The following ANKRD28 variants were observed in gnomAD, a reference collection of about 807,000 sequenced individuals.
The protein encoded by ANKRD28 is serine/threonine-protein phosphatase 6 regulatory ankyrin repeat subunit A.
Under a neutral mutation model 126.5 loss-of-function variants are expected in ANKRD28, and 44 were observed. The observed-to-expected ratio is 0.35, with a 90% CI of 0.27 to 0.45. The LOEUF is 0.45. ANKRD28 is among the 20% of genes least tolerant of loss of function. The pLI is 1.00. For missense variants in ANKRD28, 1,110 were observed against 1,316.6 expected (o/e 0.84, Z 2.43); for synonymous variants, 442 against 468.5 (o/e 0.94, Z 0.73).
chr3:15,743,185 G>T (rs529506943), intron 4 of ANKRD28, among the ~76,000 whole-genome samples: 3 of 152,010 alleles, frequency 2.0e-5, no homozygotes, highest in African/African-American at 7.3e-5. Flanking sequence ...CAGCATGCTC[G>T]TTAAGAGTCA....
chr3:15,810,506 A>G (rs1433931710), intron 1 of ANKRD28, among the ~76,000 whole-genome samples: 1 of 151,672 alleles, frequency 6.6e-6, no homozygotes. Context: ...ACTATATCTA[A>G]TATTTAAAAA....
At chr3:15,690,269 C>A in intron 17 of ANKRD28, 49 bp from the exon 18 acceptor site, 1 of 1,410,522 alleles carries the variant, frequency 7.1e-7, no homozygotes, top group Admixed American at 2.3e-5. Flanking sequence ...TTTAGACTGA[C>A]TTCCTAAATA....
intron 18 of ANKRD28, among the ~76,000 whole-genome samples, chr3:15,688,877 A>G (rs2068458425): frequency 6.6e-6 from 1 of 152,222 alleles, no homozygotes; most frequent in African/African-American, 2.4e-5. Context: ...TGTCTGCATA[A>G]ATGTTTAATG....
intron 14 of ANKRD28, among the ~76,000 whole-genome samples, chr3:15,705,631 TTTTA>T (rs2071247259): frequency 6.6e-6 from 1 of 152,236 alleles, no homozygotes; most frequent in Non-Finnish European, 1.5e-5. Context: ...TTATCACAGA[TTTTA>T]TTTAAATAGT....
At chr3:15,771,428 C>A (rs995857777) in intron 2 of ANKRD28, among the ~76,000 whole-genome samples, 6 of 133,890 alleles carry the variant, frequency 4.5e-5, no homozygotes, top group African/African-American at 1.6e-4. Context: ...AAAAAAAAGG[C>A]ATGGCACCAG....
chr3:15,736,137 C>T (rs1559434841), intron 5 of ANKRD28, among the ~76,000 whole-genome samples: 1 of 152,204 alleles, frequency 6.6e-6, no homozygotes, highest in Non-Finnish European at 1.5e-5. Context: ...CAATTACCTG[C>T]TGTCAACCAT....
chr3:15,859,344 C>G (rs1439071603), intron 1 of ANKRD28: 9 of 1,521,904 alleles, frequency 5.9e-6, no homozygotes, highest in Non-Finnish European at 7.9e-6. Context: ...CCTTCCCGGA[C>G]GGCGCGATCC....
chr3:15,856,921 T>G (rs190418005), intron 1 of ANKRD28, among the ~76,000 whole-genome samples: 1 of 152,242 alleles, frequency 6.6e-6, no homozygotes, highest in African/African-American at 2.4e-5. Flanking sequence ...CTACTTCCTA[T>G]GTCAAGTGTA....
intron 14 of ANKRD28, among the ~76,000 whole-genome samples, chr3:15,701,709 TA>T (rs2070660849): frequency 6.6e-6 from 1 of 152,050 alleles, no homozygotes; most frequent in Non-Finnish European, 1.5e-5. Context: ...GATAAAGAAA[TA>T]AAATAAAACC....
chr3:15,772,426 C>G (rs1418764774), intron 2 of ANKRD28, among the ~76,000 whole-genome samples: 1 of 151,812 alleles, frequency 6.6e-6, no homozygotes, highest in Non-Finnish European at 1.5e-5. Flanking sequence ...TTACAAAAAA[C>G]AAAAAAACCC....
Position 15,678,216 on chromosome 3 carries a change from ATTTG to A in ANKRD28, c.2696_2699del (p.Thr899IlefsTer14). On this transcript the variant is annotated frameshift_variant, in exon 24 of 28. Transcript: ENST00000683139. LOFTEE classifies it high-confidence loss of function. ...TTAAAGAAGTTTCTTTACCAACTGT[ATTTG>A]TTTGTCCATTTTCTGCAGCCATCAT... 6.2e-7 allele frequency: 1 copy of A among 1,609,730 alleles called. No homozygotes were observed. Among genetic ancestry groups the A allele is most frequent in the Non-Finnish European group, 8.5e-7 (1 of 1,179,030 alleles).
chr3:15,711,073 A>C, intron 12 of ANKRD28, 138 bp downstream of exon 12: 1 of 654,550 alleles, frequency 1.5e-6, no homozygotes, highest in Non-Finnish European at 2.5e-6. Flanking sequence ...GCCACCCTGG[A>C]CTTTTTTTTC....
At chr3:15,683,200 T>A (rs901977092) in intron 21 of ANKRD28, among the ~76,000 whole-genome samples, 5 of 152,096 alleles carry the variant, frequency 3.3e-5, no homozygotes, top group Non-Finnish European at 7.4e-5. Context: ...TATATTTTTT[T>A]AAAAACCAAG....
chr3:15,714,212 T>C (rs1016784186), intron 9 of ANKRD28, among the ~76,000 whole-genome samples: 2 of 152,106 alleles, frequency 1.3e-5, no homozygotes, highest in Non-Finnish European at 2.9e-5. Context: ...TGAAAATAGT[T>C]GCAGATACTC....
intron 4 of ANKRD28, among the ~76,000 whole-genome samples, chr3:15,748,031 C>T (rs149125690): frequency 3.1e-3 from 469 of 152,222 alleles, no homozygotes; most frequent in Middle Eastern, 0.02. Flanking sequence ...CATTTGGTGT[C>T]CATTTGCATG....
At chr3:15,737,800 T>A (rs1049994068) in intron 4 of ANKRD28, among the ~76,000 whole-genome samples, 1 of 151,914 alleles carries the variant, frequency 6.6e-6, no homozygotes, top group African/African-American at 2.4e-5. Context: ...AGCAATAGAT[T>A]TTTTACACTG....
intron 3 of ANKRD28, among the ~76,000 whole-genome samples, chr3:15,761,451 TA>T (rs1209324510): frequency 2.0e-5 from 3 of 152,190 alleles, no homozygotes; most frequent in Non-Finnish European, 2.9e-5. Context: ...CATAATTCAT[TA>T]AAAGGCTGTT....
chr3:15,700,530 C>T (rs914052552), intron 14 of ANKRD28, among the ~76,000 whole-genome samples: 2 of 151,894 alleles, frequency 1.3e-5, no homozygotes. Context: ...AATCCCAGCA[C>T]TTTGAGAGGC....
In ANKRD28 at chr3:15,709,958, A is replaced by T. The variant is rs532607820; in HGVS notation, c.1338-222T>A. ...ACACTGAGGAAATAACACACGATTC[A>T]TGTTGTCATTGTTTAAAAGGAAGAT... On this transcript the variant is annotated intron_variant, in intron 12 of 27. Coordinates refer to ENST00000683139, the MANE Select transcript of ANKRD28 (RefSeq NM_001349278.2). Among the ~76,000 whole-genome samples, 6 of 152,260 alleles carry T rather than the reference A, an allele frequency of 3.9e-5. No individual in the cohort carries two copies. In the South Asian group the frequency reaches 1.2e-3, roughly 32 times the overall value.
Sources: allele counts gnomAD v4.1 joint callset (sites outside exome capture counted in the v4.1 genomes callset), GRCh38; gene constraint gnomAD v4.1.1; transcripts MANE v1.5; gene names NCBI Gene and HGNC (gene_info 2026-07-23, HGNC 2026-07-21).